Variants in MNAT1 observed in about 807,000 individuals in gnomAD.
The protein encoded by MNAT1 is CDK-activating kinase assembly factor MAT1.
In MNAT1, 43 loss-of-function variants were observed where a neutral mutation model predicts 42.0. The ratio of observed to expected loss-of-function variants is 1.02; its 90% CI spans 0.80 to 1.32. The LOEUF is 1.32. Among genes scored for constraint, MNAT1 ranks in the 40% most tolerant of loss-of-function variants. MNAT1 has a pLI of 0.00. For synonymous variants in MNAT1, 118 were observed against 120.0 expected (o/e 0.98, Z 0.11); for missense variants, 306 against 350.4 (o/e 0.87, Z 1.01).
intron 7 of MNAT1, among the ~76,000 whole-genome samples, chr14:60,960,211 C>G (rs2036563569): frequency 6.6e-6 from 1 of 152,072 alleles, no homozygotes; most frequent in Admixed American, 6.5e-5. Flanking sequence ...GTGGCTTACA[C>G]CTCCCTTGTG....
chr14:60,787,384 A>G (rs1028234203), intron 1 of MNAT1, among the ~76,000 whole-genome samples: 1 of 152,154 alleles, frequency 6.6e-6, no homozygotes, highest in Admixed American at 6.5e-5. Context: ...ATTGCTAACA[A>G]TCATCTGAGC....
intron 6 of MNAT1, among the ~76,000 whole-genome samples, chr14:60,859,321 G>C (rs2034040113): frequency 6.6e-6 from 1 of 152,148 alleles, no homozygotes; most frequent in Admixed American, 6.5e-5. Context: ...GGTAGGATTG[G>C]AGATGATCTT....
At chr14:60,814,572 A>G (rs922870630) in intron 5 of MNAT1, among the ~76,000 whole-genome samples, 3 of 152,130 alleles carry the variant, frequency 2.0e-5, no homozygotes, top group Non-Finnish European at 4.4e-5. Context: ...AAATATGTAT[A>G]TATGTGTTCT....
At chr14:60,958,156 G>A (rs1416582277) in intron 7 of MNAT1, among the ~76,000 whole-genome samples, 1 of 152,164 alleles carries the variant, frequency 6.6e-6, no homozygotes, top group Non-Finnish European at 1.5e-5. Context: ...ATGTTTCTAA[G>A]TAGTGGCCTT....
intron 6 of MNAT1, among the ~76,000 whole-genome samples, chr14:60,849,288 G>T (rs536421242): frequency 1.3e-5 from 2 of 152,062 alleles, no homozygotes; most frequent in African/African-American, 2.4e-5. Context: ...TTACTTTTCC[G>T]TAAGATACAA....
In MNAT1 at chr14:60,776,577, G is replaced by C. The variant is rs557301800; in HGVS notation, c.90-19640G>C. Among the ~76,000 whole-genome samples the C allele has an allele frequency of 1.2e-4, 19 of 152,198 alleles. 1 individual carries two copies. In the South Asian group the frequency reaches 3.7e-3, roughly 30 times the overall value. On this transcript the variant is annotated intron_variant, in intron 1 of 7. Transcript: ENST00000261245. ...AGATGCTGAAAACTGTCCTGGGGGG[G>C]GAGGAGCAGATACTTTTAGGGGAGG... is the stretch of plus-strand genomic sequence containing the variant.
At chr14:60,793,654 T>A (rs1047584082) in intron 1 of MNAT1, among the ~76,000 whole-genome samples, 20 of 152,182 alleles carry the variant, frequency 1.3e-4, no homozygotes, top group African/African-American at 4.6e-4. Context: ...ATTATAGGCG[T>A]AAGCAACTAG....
Position 60,888,888 on chromosome 14 carries a change from G to C in MNAT1, c.809+9053G>C, listed in dbSNP as rs61992991. Reference sequence around the variant, plus strand: ...ATAAAATACCTAGGAATCCAACTTAGAAGGGATGTGAAGGACCTCTTCAAG... The same window carrying C: ...ATAAAATACCTAGGAATCCAACTTACAAGGGATGTGAAGGACCTCTTCAAG... On this transcript the variant is annotated intron_variant, in intron 7 of 7. Coordinates refer to ENST00000261245, the MANE Select transcript of MNAT1 (RefSeq NM_002431.4). Among the ~76,000 whole-genome samples, 70 of 132,460 alleles carry C rather than the reference G, an allele frequency of 5.3e-4. 1 individual carries two copies. Among genetic ancestry groups the C allele is most frequent in the East Asian group, 2.3e-3 (11 of 4,852 alleles). 86.9% of individuals were successfully genotyped at this position (132,460 alleles called of 152,430 possible). A position where few individuals can be genotyped will look rare whatever the true frequency, so the allele number is the denominator to read the frequency against.
chr14:60,911,496 T>C (rs1163040159), intron 7 of MNAT1, among the ~76,000 whole-genome samples: 1 of 152,212 alleles, frequency 6.6e-6, no homozygotes, highest in Non-Finnish European at 1.5e-5. Context: ...CTGCTTTGAA[T>C]GTGTCCCAGA....
intron 7 of MNAT1, among the ~76,000 whole-genome samples, chr14:60,901,086 C>G (rs1239469496): frequency 1.4e-5 from 2 of 142,348 alleles, no homozygotes; most frequent in African/African-American, 2.6e-5. Context: ...GTCTGACTCT[C>G]TTTTTAGGAG....
chr14:60,938,437 GTGT>G (rs1250673899), intron 7 of MNAT1, among the ~76,000 whole-genome samples: 3 of 151,982 alleles, frequency 2.0e-5, no homozygotes, highest in Admixed American at 6.6e-5. Context: ...TTAGCATGAA[GTGT>G]TGTTGAGTTT....
intron 6 of MNAT1, among the ~76,000 whole-genome samples, chr14:60,856,484 A>G (rs889296350): frequency 2.0e-5 from 3 of 152,228 alleles, no homozygotes; most frequent in Non-Finnish European, 2.9e-5. Flanking sequence ...TCTATAACAT[A>G]AAAGTTGCTA....
chr14:60,899,514 A>G (rs1156930975), intron 7 of MNAT1, among the ~76,000 whole-genome samples: 1 of 152,168 alleles, frequency 6.6e-6, no homozygotes, highest in Non-Finnish European at 1.5e-5. Context: ...TGTAGTAGTT[A>G]TGGTGGTATT....
At chr14:60,845,204 T>C (rs954395837) in intron 6 of MNAT1, among the ~76,000 whole-genome samples, 2 of 152,006 alleles carry the variant, frequency 1.3e-5, no homozygotes, top group African/African-American at 4.8e-5. Flanking sequence ...AATGTTTTTT[T>C]TTTATGTGTT....
rs191939561 is a variant in MNAT1, at chr14:60,905,459, G to T, written c.809+25624G>T. On this transcript the variant is annotated intron_variant, in intron 7 of 7. Coordinates refer to ENST00000261245, the MANE Select transcript of MNAT1 (RefSeq NM_002431.4). Reference sequence around the variant, plus strand: ...TAGGACATTTAGAGATACATAAGAGGATGTTCATGTTTGGAATTGGCTCAC... The same window carrying T: ...TAGGACATTTAGAGATACATAAGAGTATGTTCATGTTTGGAATTGGCTCAC... Among the ~76,000 whole-genome samples the T allele has an allele frequency of 4.6e-5, 7 of 152,292 alleles. No homozygotes were observed. In the East Asian group the frequency reaches 1.4e-3, roughly 29 times the overall value.
rs117303064 is a variant in MNAT1 at position 60,777,838 on chromosome 14, A to G, written c.90-18379A>G. ...GATGCTATCTATAGAAGCATCTTCT[A>G]GTGGAAAGATTAGGATGAGAACAAA... On this transcript the variant is annotated intron_variant, in intron 1 of 7. Coordinates refer to ENST00000261245, the MANE Select transcript of MNAT1 (RefSeq NM_002431.4). 1.1e-3 allele frequency among the ~76,000 whole-genome samples: 168 copies of G among 152,256 alleles called. No individual in the cohort carries two copies. The East Asian group carries it at 0.023, about 21-fold the overall frequency.
At chr14:60,783,276 G>A (rs968401176) in intron 1 of MNAT1, among the ~76,000 whole-genome samples, 1 of 152,168 alleles carries the variant, frequency 6.6e-6, no homozygotes, top group Admixed American at 6.5e-5. Context: ...GAGATCCCCA[G>A]AGATTAGGTG....
intron 6 of MNAT1, among the ~76,000 whole-genome samples, chr14:60,835,146 T>C (rs1222286676): frequency 4.6e-5 from 7 of 152,114 alleles, no homozygotes; most frequent in African/African-American, 1.7e-4. Context: ...GTGTGTTTCT[T>C]TGCACGTGAG....
intron 1 of MNAT1, among the ~76,000 whole-genome samples, chr14:60,788,048 A>G (rs1212677646): frequency 6.6e-6 from 1 of 152,132 alleles, no homozygotes; most frequent in Non-Finnish European, 1.5e-5. Flanking sequence ...CTTTGCCCAG[A>G]TCTATCAGAG....
Sources: gnomAD v4.1 joint callset for allele counts (sites outside exome capture counted in the v4.1 genomes callset) on GRCh38, gnomAD v4.1.1 for gene constraint, MANE v1.5 for transcripts, NCBI Gene and HGNC (gene_info 2026-07-23, HGNC 2026-07-21) for gene names.